The following CFAP54 variants were observed in gnomAD, a reference collection of about 807,000 sequenced individuals.
CFAP54 encodes cilia and flagella associated protein 54.
CFAP54 carries 290 observed loss-of-function variants against 370.4 expected under a neutral mutation model. The observed-to-expected ratio is 0.78, with a 90% CI of 0.71 to 0.86. The LOEUF (loss-of-function observed/expected upper bound fraction) is 0.86, where lower values mean the gene tolerates loss of function less well. Ranked by LOEUF, CFAP54 falls within the 40% of genes least tolerant of loss-of-function variation. The pLI is 0.00. For missense variants in CFAP54, 3,399 were observed against 3,528.7 expected (o/e 0.96, Z 0.93); for synonymous variants, 1,206 against 1,236.5 (o/e 0.98, Z 0.52).
At chr12:96,760,312 G>A (rs997896839) in intron 58 of CFAP54, among the ~76,000 whole-genome samples, 3 of 152,004 alleles carry the variant, frequency 2.0e-5, no homozygotes, top group Non-Finnish European at 4.4e-5. Flanking sequence ...TGAAATTAAT[G>A]CATTTTAAGA....
intron 5 of CFAP54, among the ~76,000 whole-genome samples, chr12:96,516,617 T>C (rs1056665308): frequency 2.0e-5 from 3 of 152,232 alleles, no homozygotes; most frequent in Admixed American, 6.5e-5. Context: ...TTTGCTTTTG[T>C]TTATGGAATA....
At chr12:96,732,861 T>C (rs1050482455) in intron 50 of CFAP54, among the ~76,000 whole-genome samples, 11 of 120,956 alleles carry the variant, frequency 9.1e-5, no homozygotes, top group African/African-American at 2.8e-4. Flanking sequence ...TATAGAACTG[T>C]TTTTTTTTTC....
chr12:96,777,996 T>G (rs1345546178), intron 60 of CFAP54, among the ~76,000 whole-genome samples: 1 of 152,242 alleles, frequency 6.6e-6, no homozygotes, highest in African/African-American at 2.4e-5. Flanking sequence ...ACAACTGTTA[T>G]GTACCCGTAC....
chr12:96,588,660 A>AT (rs1472606034), intron 22 of CFAP54, among the ~76,000 whole-genome samples: 1 of 145,118 alleles, frequency 6.9e-6, no homozygotes, highest in Non-Finnish European at 1.5e-5. Context: ...CCATGAATGC[A>AT]TTTATACTTC....
chr12:96,639,210 G>A (rs1956696533), intron 32 of CFAP54, among the ~76,000 whole-genome samples: 1 of 152,116 alleles, frequency 6.6e-6, no homozygotes. Context: ...AAAGAGAGAA[G>A]AATCAAATGG....
intron 17 of CFAP54, among the ~76,000 whole-genome samples, chr12:96,556,329 A>G (rs1403510442): frequency 6.6e-6 from 1 of 152,054 alleles, no homozygotes; most frequent in Admixed American, 6.6e-5. Context: ...AAGCAAAAAA[A>G]AAATAAAAAT....
At chr12:96,750,060 T>G (rs1958165073) in intron 55 of CFAP54, among the ~76,000 whole-genome samples, 1 of 152,204 alleles carries the variant, frequency 6.6e-6, no homozygotes, top group Non-Finnish European at 1.5e-5. Context: ...TCAGGCCACC[T>G]TCAAGCCCCT....
chr12:96,777,349 C>CT (rs200690074), intron 60 of CFAP54, among the ~76,000 whole-genome samples: 225 of 143,456 alleles, frequency 1.6e-3, no homozygotes, highest in Admixed American at 1.8e-3. Context: ...CAAGGATATT[C>CT]TTTTTTTTTT....
At chr12:96,689,017 G>T in intron 43 of CFAP54, 35 bp downstream of exon 43, 4 of 1,315,164 alleles carry the variant, frequency 3.0e-6, no homozygotes, top group Non-Finnish European at 4.1e-6. Context: ...TTCCATTGTA[G>T]CACAACCATT....
At chr12:96,605,747 G>C (rs1360689037) in intron 26 of CFAP54, among the ~76,000 whole-genome samples, 1 of 152,154 alleles carries the variant, frequency 6.6e-6, no homozygotes, top group Admixed American at 6.5e-5. Context: ...TGACACCCAG[G>C]TTTCTAGCTT....
At chr12:96,656,702 C>G (rs546125231) in intron 36 of CFAP54, among the ~76,000 whole-genome samples, 1 of 152,296 alleles carries the variant, frequency 6.6e-6, no homozygotes, top group South Asian at 2.1e-4. Context: ...TGTTGATAAA[C>G]ACTATATTAG....
intron 55 of CFAP54, among the ~76,000 whole-genome samples, chr12:96,749,418 T>C (rs969874750): frequency 5.3e-5 from 8 of 152,242 alleles, no homozygotes; most frequent in Non-Finnish European, 1.5e-5. Flanking sequence ...ACATATGAAT[T>C]TTAAAGGGAC....
rs1955728143 is a variant in CFAP54, at chr12:96,554,238, T to C, written c.2211T>C (p.Gly737=). 6.5e-7 allele frequency: 1 copy of C among 1,527,860 alleles called. No homozygotes were observed. The highest frequency in any genetic ancestry group is 8.7e-7 in the Non-Finnish European group (1 of 1,143,040). The allele number at this position is 1,527,860 out of a possible 1,614,324, so 94.6% of individuals were successfully genotyped here. The part of the protein sequence containing the change: ...FAYKLLDRAI[G]GINLNCMLTS... ...ATAAACTTCTTGACAGAGCAATCGGTGGAATAAATTTGAATTGCATGTTAA... is the reference window on the plus strand; with the variant it reads ...ATAAACTTCTTGACAGAGCAATCGGCGGAATAAATTTGAATTGCATGTTAA... Residue 737 remains glycine (G), a synonymous_variant, in exon 16 of 68, where the codon GGT becomes GGC. Transcript: ENST00000524981.
intron 20 of CFAP54, among the ~76,000 whole-genome samples, chr12:96,578,444 A>G (rs976186938): frequency 9.9e-5 from 15 of 152,246 alleles, no homozygotes; most frequent in African/African-American, 3.4e-4. Flanking sequence ...TTGGAAAATT[A>G]GTGCAGAACT....
At chr12:96,834,206 C>T (rs141805000) in intron 66 of CFAP54, among the ~76,000 whole-genome samples, 2 of 152,316 alleles carry the variant, frequency 1.3e-5, no homozygotes, top group African/African-American at 4.8e-5. Context: ...GGTAAGAAAA[C>T]AGCTAGAGAG....
At position 96,647,892 on chromosome 12, in the gene CFAP54, C is replaced by A; in HGVS notation, c.4565C>A (p.Pro1522His). The A allele has an allele frequency of 1.3e-6, 2 of 1,503,596 alleles. No homozygotes were observed. The highest frequency in any genetic ancestry group is 1.3e-5 in the South Asian group (1 of 76,554). The allele number at this position is 1,503,596 out of a possible 1,614,324, so 93.1% of individuals were successfully genotyped here. ...CCTTGCAGTTTCCGATCATGTGATC[C>A]TAACATGTTTTCACTGTATAATTCA... The part of the protein sequence containing the change: ...HMMVSFRSCD[P>H]NMFSLYNSGT... The change falls in exon 34 of 68, where the codon CCT (proline) becomes CAT (histidine). Residue 1522 changes from proline to histidine, a missense_variant. By Grantham distance (77) the Pro-to-His change is moderately conservative. This residue lies in a region of CFAP54 where 2,796 missense variants were observed against 2,869.7 expected (regional missense o/e 0.97). Transcript: ENST00000524981.
At chr12:96,555,354 G>C (rs1162864726) in intron 17 of CFAP54, among the ~76,000 whole-genome samples, 2 of 151,814 alleles carry the variant, frequency 1.3e-5, no homozygotes, top group Admixed American at 1.3e-4. Flanking sequence ...TAATTTAAGA[G>C]TGAGCAGTGT....
At chr12:96,763,457 T>C (rs1193689140) in intron 58 of CFAP54, among the ~76,000 whole-genome samples, 2 of 152,196 alleles carry the variant, frequency 1.3e-5, no homozygotes, top group Non-Finnish European at 2.9e-5. Flanking sequence ...ATAGGTTTTC[T>C]ATTATAATGG....
chr12:96,780,508 A>G (rs557383522), intron 60 of CFAP54, among the ~76,000 whole-genome samples: 1 of 152,222 alleles, frequency 6.6e-6, no homozygotes, highest in South Asian at 2.1e-4. Context: ...GGAGAGGGAG[A>G]GAGAAAGAGA....
Sources: allele counts gnomAD v4.1 joint callset (sites outside exome capture counted in the v4.1 genomes callset), GRCh38; gene constraint gnomAD v4.1.1; regional missense constraint gnomAD v4.1.1; transcripts MANE v1.5; gene names NCBI Gene and HGNC (gene_info 2026-07-23, HGNC 2026-07-21).